MAST1: variants seen among roughly 807,000 people sequenced by gnomAD.
MAST1 encodes the protein microtubule-associated serine/threonine-protein kinase 1.
Under a neutral mutation model 124.6 loss-of-function variants are expected in MAST1, and 40 were observed. That is an observed-to-expected ratio of 0.32 (90% CI 0.25 to 0.42). The LOEUF is 0.42. Ranked by LOEUF, MAST1 falls within the 10% of genes least tolerant of loss-of-function variation. The pLI is 1.00. For synonymous variants in MAST1, 938 were observed against 939.4 expected (o/e 1.00, Z 0.03); for missense variants, 1,558 against 2,181.9 (o/e 0.71, Z 5.70).
At chr19:12,856,603 C>T (rs912813132) in intron 10 of MAST1, among the ~76,000 whole-genome samples, 1 of 152,144 alleles carries the variant, frequency 6.6e-6, no homozygotes. Flanking sequence ...CCACACCTGG[C>T]CTTTGCCACA....
intron 10 of MAST1, among the ~76,000 whole-genome samples, chr19:12,855,913 A>T (rs1242392496): frequency 1.3e-5 from 2 of 151,722 alleles, no homozygotes; most frequent in African/African-American, 2.4e-5. Flanking sequence ...ACCTTATTTT[A>T]AGCAAATTCT....
chr19:12,869,352 C>A, intron 22 of MAST1, 57 bp downstream of exon 22: 1 of 1,443,302 alleles, frequency 6.9e-7, no homozygotes, highest in Non-Finnish European at 9.6e-7. Context: ...GGGAAAAGGC[C>A]CCTCCAGCTC....
intron 10 of MAST1, among the ~76,000 whole-genome samples, chr19:12,853,795 G>A (rs145111490): frequency 0.022 from 3,252 of 145,006 alleles, 65 homozygotes; most frequent in Middle Eastern, 0.082. Context: ...GCTTGAACCC[G>A]GGAGGTGGAG....
chr19:12,870,866 G>A lies in MAST1; in HGVS notation c.3046G>A (p.Ala1016Thr). The change falls in exon 23 of 26, where the codon GCT becomes ACT. Residue 1016 changes from alanine to threonine, a missense_variant. Ala to Thr is a moderately conservative substitution (Grantham distance 58). Around this residue, in one of 10 missense-constraint regions of MAST1, gnomAD observed 291 missense variants for 475.8 expected, o/e 0.61. Transcript: ENST00000251472. ...GGPAQEAGLC[A>T]GDLITHVNGE... ...CCCAGCCCAGGAGGCAGGACTCTGT[G>A]CTGGGGACCTCATCACCCACGTGAA... The A allele has an allele frequency of 6.2e-7, 1 of 1,614,086 alleles. No individual in the cohort carries two copies.
intron 21 of MAST1, 53 bp from the exon 22 acceptor site, chr19:12,869,013 G>C: frequency 1.9e-6 from 3 of 1,582,924 alleles, no homozygotes; most frequent in African/African-American, 1.3e-5. Context: ...GCAGATACAG[G>C]GAGATGTCTA....
At chr19:12,849,069 T>C (rs2145892138) in intron 7 of MAST1, 1 of 152,528 alleles carries the variant, frequency 6.6e-6, no homozygotes, top group East Asian at 1.9e-4. Flanking sequence ...TCATACTGTG[T>C]ATTTTTGCTT....
chr19:12,858,974 A>G (rs951912881), intron 12 of MAST1: 1 of 597,264 alleles, frequency 1.7e-6, no homozygotes, highest in South Asian at 2.1e-5. Context: ...AGTCTGACCC[A>G]TTATCCATCC....
chr19:12,848,238 C>A, intron 7 of MAST1, 181 bp downstream of exon 7: 1 of 602,638 alleles, frequency 1.7e-6, no homozygotes, highest in East Asian at 2.8e-5. Context: ...ACTGAAGAGG[C>A]AGGAATTTCA....
chr19:12,871,119 G>C lies in MAST1; in HGVS notation c.3210G>C (p.Lys1070Asn). 6.2e-7 allele frequency: 1 copy of C among 1,614,216 alleles called. No homozygotes were observed. The highest frequency in any genetic ancestry group is 2.2e-5 in the East Asian group (1 of 44,880). ...RIGPARRSSY[K>N]AKMARRNKRP... ...GTCCCGCAAGGCGCAGCAGCTACAAGGCTAAAATGGCTCGGAGGAACAAGC... is the reference window on the plus strand; with the variant it reads ...GTCCCGCAAGGCGCAGCAGCTACAACGCTAAAATGGCTCGGAGGAACAAGC... The change falls in exon 24 of 26, where the codon AAG becomes AAC. Residue 1070 changes from lysine (K) to asparagine (N), a missense_variant. By Grantham distance (94) the Lys-to-Asn change is moderately conservative (BLOSUM62 0). Coordinates refer to ENST00000251472, the MANE Select transcript of MAST1 (RefSeq NM_014975.3).
At position 12,866,502 on chromosome 19, in the gene MAST1, G is replaced by A. The variant is rs1310747537; in HGVS notation, c.2030-151G>A. 3 of 624,354 alleles carry A rather than the reference G, an allele frequency of 4.8e-6. No homozygotes were observed. The highest frequency in any genetic ancestry group is 8.6e-6 in the Non-Finnish European group (3 of 350,128). 38.7% of individuals were successfully genotyped at this position (624,354 alleles called of 1,614,324 possible). A position where few individuals can be genotyped will look rare whatever the true frequency, so the allele number is the denominator to read the frequency against. Reference sequence around the variant, plus strand: ...AATGGGGCAAGGACCTTGCCTGGGAGCGGAGCCTAAATTAAATACACTAAT... The same window carrying A: ...AATGGGGCAAGGACCTTGCCTGGGAACGGAGCCTAAATTAAATACACTAAT... On this transcript the variant is annotated intron_variant, in intron 17 of 25. Coordinates refer to ENST00000251472, the MANE Select transcript of MAST1 (RefSeq NM_014975.3). This position sits in a 1 kb window ranked among gnomAD's most constrained non-coding sequence, Gnocchi z 5.2.
At position 12,841,227 on chromosome 19, in the gene MAST1, G is replaced by A. The variant is rs1462539176; in HGVS notation, c.248+161G>A. ...CGGGAAGGAGCGCCTAGCCTTCGGG[G>A]CGGGGCCTATAAGAAGGCGGGGTCC... On this transcript the variant is annotated intron_variant, in intron 3 of 25. Transcript: ENST00000251472. The surrounding 1 kb of genome is among the most constrained non-coding windows in gnomAD (Gnocchi z 4.3). 6.6e-6 allele frequency among the ~76,000 whole-genome samples: 1 copy of A among 152,254 alleles called. No homozygotes were observed. The highest frequency in any genetic ancestry group is 6.5e-5 in the Admixed American group (1 of 15,292).
At chr19:12,859,240 T>C (rs2145901901) in intron 12 of MAST1, among the ~76,000 whole-genome samples, 1 of 152,020 alleles carries the variant, frequency 6.6e-6, no homozygotes, top group Admixed American at 6.6e-5. Flanking sequence ...CCACCATTCA[T>C]GGGTAATTTT....
At position 12,841,055 on chromosome 19, in the gene MAST1, C is replaced by T. The variant is rs780573033; in HGVS notation, c.237C>T (p.Ala79=). Residue 79 remains alanine, a synonymous_variant, in exon 3 of 26, where the codon GCC becomes GCT. Coordinates refer to ENST00000251472, the MANE Select transcript of MAST1 (RefSeq NM_014975.3). This position sits in a 1 kb window ranked among gnomAD's most constrained non-coding sequence, Gnocchi z 4.3. ...SPNTPAHFSF[A]SSRRADGRRW... ...ACACCCCCGCCCACTTCTCGTTTGC[C>T]TCCTCCCGAAGGTGAGTCCCTCCCC... 1.3e-6 allele frequency: 2 copies of T among 1,520,276 alleles called. No homozygotes were observed. Among genetic ancestry groups the T allele is most frequent in the Non-Finnish European group, 1.8e-6 (2 of 1,094,134 alleles). 94.2% of individuals were successfully genotyped at this position (1,520,276 alleles called of 1,614,324 possible). A position where few individuals can be genotyped will look rare whatever the true frequency, so the allele number is the denominator to read the frequency against.
intron 12 of MAST1, among the ~76,000 whole-genome samples, chr19:12,864,361 T>C (rs1970123000): frequency 6.7e-6 from 1 of 148,970 alleles, no homozygotes; most frequent in African/African-American, 2.5e-5. Flanking sequence ...GCCACCGCAC[T>C]CTAGACTGGG....
chr19:12,871,969 T>C (rs113872431), intron 24 of MAST1, among the ~76,000 whole-genome samples: 1,661 of 139,158 alleles, frequency 0.012, 16 homozygotes, highest in Non-Finnish European at 0.018. Flanking sequence ...GAGCCAAGAA[T>C]GGAAGCTGTG....
intron 22 of MAST1, 72 bp from the exon 23 acceptor site, chr19:12,870,752 G>C (rs958152851): frequency 1.3e-6 from 2 of 1,481,740 alleles, no homozygotes; most frequent in Non-Finnish European, 1.8e-6. Context: ...TAAGTGTCCT[G>C]CATATAAGTT....
In MAST1 at chr19:12,840,458, T is replaced by C. The variant is rs1011161194; in HGVS notation, c.96T>C (p.Ser32=). Residue 32 remains serine, a synonymous_variant, in exon 2 of 26, where the codon AGT becomes AGC. Transcript: ENST00000251472. ...ACCTTCCCCGCAGCTGCCGCACCAG[T>C]AATCGGAAAAGCCTCATCCTGACCA... ...MFRRTKSCRT[S]NRKSLILTST... 4 of 1,613,184 alleles carry C rather than the reference T, an allele frequency of 2.5e-6. No homozygotes were observed. The highest frequency in any genetic ancestry group is 1.7e-5 in the Admixed American group (1 of 59,948).
chr19:12,868,102 G>GTTTTTTTTTTTTT (rs1568414424), intron 20 of MAST1, 125 bp downstream of exon 20: 62 of 539,060 alleles, frequency 1.2e-4, no homozygotes, highest in East Asian at 8.5e-4. Context: ...TGCAATTTGG[G>GTTTTTTTTTTTTT]ATTTTTTTTT....
In MAST1 at chr19:12,865,749, C is replaced by T. The variant is rs776016677; in HGVS notation, c.1837C>T (p.Leu613=). 6.2e-6 allele frequency: 10 copies of T among 1,613,728 alleles called. No homozygotes were observed. The highest frequency in any genetic ancestry group is 8.5e-7 in the Non-Finnish European group (1 of 1,179,868). Residue 613 remains leucine (L), a synonymous_variant, in exon 16 of 26, where the codon CTA becomes TTA. Coordinates refer to ENST00000251472, the MANE Select transcript of MAST1 (RefSeq NM_014975.3). The surrounding 1 kb of genome is among the most constrained non-coding windows in gnomAD (Gnocchi z 7.1). ...CCTGTGGCCCGAGGGGGATGAGGCC[C>T]TACCTACGGAGGCCCAACTCCTCAT... ...DILWPEGDEA[L]PTEAQLLISS... is the part of the protein sequence containing the mutation.
Sources: gnomAD v4.1 joint callset for allele counts (sites outside exome capture counted in the v4.1 genomes callset) on GRCh38, gnomAD v4.1.1 for gene constraint, gnomAD v4.1.1 regional missense constraint, Gnocchi (gnomAD v3.1) non-coding constraint, MANE v1.5 for transcripts, NCBI Gene and HGNC (gene_info 2026-07-23, HGNC 2026-07-21) for gene names.